Variants in GAS7 observed in about 807,000 individuals in gnomAD.
GAS7 encodes growth arrest-specific protein 7.
In GAS7, 28 loss-of-function variants were observed where a neutral mutation model predicts 71.1. The observed-to-expected ratio is 0.39, with a 90% CI of 0.29 to 0.54. GAS7 has a LOEUF of 0.54. Ranked by LOEUF, GAS7 falls within the 20% of genes least tolerant of loss-of-function variation. The probability of loss-of-function intolerance (pLI) is 0.62; values close to 1 mark genes in which losing one functional copy is unlikely to be tolerated. For missense variants in GAS7, 436 were observed against 627.8 expected (o/e 0.69, Z 3.27); for synonymous variants, 258 against 245.8 (o/e 1.05, Z -0.46).
At chr17:10,131,586 C>T (rs2073997566) in intron 1 of GAS7, among the ~76,000 whole-genome samples, 1 of 152,200 alleles carries the variant, frequency 6.6e-6, no homozygotes, top group East Asian at 1.9e-4. Context: ...CACACCACTG[C>T]ACTCCAGCCT....
chr17:10,042,975 A>G (rs2072894280), intron 1 of GAS7, among the ~76,000 whole-genome samples: 3 of 152,160 alleles, frequency 2.0e-5, no homozygotes, highest in Admixed American at 2.0e-4. Flanking sequence ...CCAAGTTCAA[A>G]GTGTTCGGTG....
intron 1 of GAS7, among the ~76,000 whole-genome samples, chr17:10,144,352 A>G (rs922328526): frequency 6.6e-6 from 1 of 152,132 alleles, no homozygotes; most frequent in Non-Finnish European, 1.5e-5. Context: ...CCGTGATATT[A>G]TCCCAAAGTG....
intron 4 of GAS7, among the ~76,000 whole-genome samples, chr17:9,964,121 GAA>G (rs2069610798): frequency 6.6e-6 from 1 of 152,058 alleles, no homozygotes; most frequent in South Asian, 2.1e-4. Flanking sequence ...TGATTCCAGA[GAA>G]CTCTTCCCTT....
chr17:10,104,722 C>T (rs768591670), intron 1 of GAS7, among the ~76,000 whole-genome samples: 2 of 152,180 alleles, frequency 1.3e-5, no homozygotes, highest in Non-Finnish European at 2.9e-5. Flanking sequence ...CTCAAGTCCA[C>T]ACACCTTCCA....
intron 3 of GAS7, among the ~76,000 whole-genome samples, chr17:9,980,508 T>C (rs1471687404): frequency 6.6e-6 from 1 of 152,236 alleles, no homozygotes; most frequent in Non-Finnish European, 1.5e-5. Context: ...AAGCTGAGGA[T>C]GTCACGCTCA....
intron 1 of GAS7, among the ~76,000 whole-genome samples, chr17:10,110,358 G>A (rs996568208): frequency 1.3e-5 from 2 of 152,208 alleles, no homozygotes; most frequent in Non-Finnish European, 2.9e-5. Flanking sequence ...CTCTCGTGGA[G>A]ATGAGAGTAG....
In GAS7 at chr17:10,019,874, C is replaced by A. The variant is rs145677668; in HGVS notation, c.207G>T (p.Pro69=). ...TGACCGTCTGGCTTTCTTCTCCCGG[C>A]GGAGGGGGGACCATTCCAGGCTTCT... is the stretch of plus-strand genomic sequence containing the variant. ...LLEKPGMVPP[P]PGEESQTVIL... Residue 69 remains proline, a synonymous_variant, in exon 2 of 14, where the codon CCG becomes CCT. Transcript: ENST00000432992. The A allele has an allele frequency of 1.2e-5, 19 of 1,613,704 alleles. No homozygotes were observed. Among genetic ancestry groups the A allele is most frequent in the African/African-American group, 6.7e-5 (5 of 74,914 alleles).
chr17:10,071,514 G>A (rs1436534035), intron 1 of GAS7, among the ~76,000 whole-genome samples: 4 of 152,228 alleles, frequency 2.6e-5, no homozygotes, highest in African/African-American at 9.6e-5. Flanking sequence ...GGCTCACCCT[G>A]CAGACCAGAG....
intron 1 of GAS7, among the ~76,000 whole-genome samples, chr17:10,044,499 T>A (rs958260129): frequency 1.3e-5 from 2 of 152,210 alleles, no homozygotes; most frequent in South Asian, 2.1e-4. Flanking sequence ...GTGGGTAAAA[T>A]TTTAAAAATT....
intron 1 of GAS7, among the ~76,000 whole-genome samples, chr17:10,163,210 G>C (rs934949613): frequency 2.0e-5 from 3 of 152,002 alleles, no homozygotes; most frequent in Admixed American, 6.6e-5. Context: ...TCCCGGGTTC[G>C]AGCTATTCTC....
chr17:9,945,707 A>G (rs1057369753), intron 6 of GAS7, among the ~76,000 whole-genome samples: 4 of 152,066 alleles, frequency 2.6e-5, no homozygotes, highest in African/African-American at 9.7e-5. Flanking sequence ...ACGATGGCTC[A>G]TGCCTGTAAT....
At chr17:10,124,439 C>G (rs1427059564) in intron 1 of GAS7, among the ~76,000 whole-genome samples, 1 of 152,246 alleles carries the variant, frequency 6.6e-6, no homozygotes, top group African/African-American at 2.4e-5. Flanking sequence ...CTAGGCACCC[C>G]ACACATGCGC....
Position 9,911,779 on chromosome 17 carries a change from C to T in GAS7, c.*5449G>A, listed in dbSNP as rs2067443181. The stretch of plus-strand genomic sequence containing the variant: ...TTCCTGGCCCTAATCTTCACCTGGC[C>T]TGGATCCAGAAATGTCTCTGGTTCG... On this transcript the variant is annotated 3_prime_UTR_variant, in exon 14 of 14. Transcript: ENST00000432992. The surrounding 1 kb of genome is among the most constrained non-coding windows in gnomAD (Gnocchi z 4.0). 4.3e-6 allele frequency: 1 copy of T among 232,300 alleles called. No homozygotes were observed. Among genetic ancestry groups the T allele is most frequent in the Non-Finnish European group, 8.5e-6 (1 of 117,478 alleles). The allele number at this position is 232,300 out of a possible 1,614,324, so 14.4% of individuals were successfully genotyped here.
chr17:9,973,879 T>C (rs2070074726), intron 3 of GAS7, among the ~76,000 whole-genome samples: 1 of 152,158 alleles, frequency 6.6e-6, no homozygotes, highest in Admixed American at 6.5e-5. Context: ...GAAAATGAAA[T>C]GCACAAGTTT....
At chr17:9,968,454 A>C (rs927312134) in intron 4 of GAS7, among the ~76,000 whole-genome samples, 1 of 152,248 alleles carries the variant, frequency 6.6e-6, no homozygotes, top group Admixed American at 6.5e-5. Flanking sequence ...CCATCAAAAC[A>C]TAAGAAGTCC....
At chr17:9,942,291 G>A (rs1265960157) in intron 7 of GAS7, among the ~76,000 whole-genome samples, 1 of 152,028 alleles carries the variant, frequency 6.6e-6, no homozygotes, top group Non-Finnish European at 1.5e-5. Flanking sequence ...AAAAGATATT[G>A]CAATTTGCTA....
chr17:9,964,072 C>T (rs762622277), intron 4 of GAS7, among the ~76,000 whole-genome samples: 6 of 151,760 alleles, frequency 4.0e-5, no homozygotes, highest in African/African-American at 7.3e-5. Context: ...TTTGCAAATG[C>T]CTATAATAAG....
Position 10,187,282 on chromosome 17 carries a change from A to C in GAS7, c.183+10926T>G, listed in dbSNP as rs543806296. Among the ~76,000 whole-genome samples, 10 of 152,274 alleles carry C rather than the reference A, an allele frequency of 6.6e-5. No homozygotes were observed. The South Asian group carries it at 1.9e-3, about 28-fold the overall frequency. ...AGGTCTTGCGGCTTTGGACCAACTCACAATAGACTTACAACATGAGCAAAA... is the reference window on the plus strand; with the variant it reads ...AGGTCTTGCGGCTTTGGACCAACTCCCAATAGACTTACAACATGAGCAAAA... On this transcript the variant is annotated intron_variant, in intron 1 of 13. Transcript: ENST00000432992.
In GAS7 at chr17:10,103,962, C is replaced by T. The variant is rs992487978; in HGVS notation, c.184-84065G>A. Among the ~76,000 whole-genome samples, 3 of 152,166 alleles carry T rather than the reference C, an allele frequency of 2.0e-5. No homozygotes were observed. The highest frequency in any genetic ancestry group is 7.2e-5 in the African/African-American group (3 of 41,440). On this transcript the variant is annotated intron_variant, in intron 1 of 13. Coordinates refer to ENST00000432992, the MANE Select transcript of GAS7 (RefSeq NM_201433.2). This position sits in a 1 kb window ranked among gnomAD's most constrained non-coding sequence, Gnocchi z 5.5. ...GCAGCCTTCCCTCCCACAACAGTAACTCCTCCTACCAAAGGCAACTTACCT... is the reference window on the plus strand; with the variant it reads ...GCAGCCTTCCCTCCCACAACAGTAATTCCTCCTACCAAAGGCAACTTACCT...
Sources: allele counts gnomAD v4.1 joint callset (sites outside exome capture counted in the v4.1 genomes callset), GRCh38; gene constraint gnomAD v4.1.1; non-coding constraint Gnocchi (gnomAD v3.1); transcripts MANE v1.5; gene names NCBI Gene and HGNC (gene_info 2026-07-23, HGNC 2026-07-21).